The following GPR149 variants were observed in gnomAD, a reference collection of about 807,000 sequenced individuals.
GPR149 encodes the protein probable G protein-coupled receptor 149.
In GPR149, 50 loss-of-function variants were observed where a neutral mutation model predicts 50.2. That is an observed-to-expected ratio of 1.00 (90% confidence interval 0.79 to 1.26). The LOEUF (loss-of-function observed/expected upper bound fraction) is 1.26, where lower values mean the gene tolerates loss of function less well. Ranked by LOEUF, GPR149 falls within the 50% of genes most tolerant of loss-of-function variation. The pLI, the probability that GPR149 is intolerant of heterozygous loss-of-function variation, is 0.00. For synonymous variants in GPR149, 405 were observed against 358.2 expected (o/e 1.13, Z -1.48); for missense variants, 983 against 895.4 (o/e 1.10, Z -1.25).
chr3:154,389,238 C>A (rs1197975296), intron 3 of GPR149, among the ~76,000 whole-genome samples: 1 of 152,130 alleles, frequency 6.6e-6, no homozygotes, highest in East Asian at 1.9e-4. Context: ...TAATAAAATA[C>A]AAACTAATTT....
chr3:154,397,977 T>C (rs991703844), intron 3 of GPR149, among the ~76,000 whole-genome samples: 3 of 134,028 alleles, frequency 2.2e-5, no homozygotes, highest in African/African-American at 8.4e-5. Context: ...CAGGTAGTTG[T>C]ATGGAAATTA....
At position 154,337,666 on chromosome 3, in the gene GPR149, A is replaced by T; in HGVS notation, c.*33T>A. ...GTTAGTTTCACAGTTGACGTTGCAGATCCATTCTTGCTCCTGTTAGACCAA... is the reference window on the plus strand; with the variant it reads ...GTTAGTTTCACAGTTGACGTTGCAGTTCCATTCTTGCTCCTGTTAGACCAA... On this transcript the variant is annotated 3_prime_UTR_variant, in exon 4 of 4. Coordinates refer to ENST00000389740, the MANE Select transcript of GPR149 (RefSeq NM_001038705.3). The T allele has an allele frequency of 1.4e-6, 2 of 1,462,758 alleles. No homozygotes were observed. The highest frequency in any genetic ancestry group is 9.2e-7 in the Non-Finnish European group (1 of 1,081,682). The allele number at this position is 1,462,758 out of a possible 1,614,324, so 90.6% of individuals were successfully genotyped here. A position where few individuals can be genotyped will look rare whatever the true frequency, so the allele number is the denominator to read the frequency against.
At chr3:154,416,172 T>C (rs1186764443) in intron 3 of GPR149, among the ~76,000 whole-genome samples, 1 of 151,954 alleles carries the variant, frequency 6.6e-6, no homozygotes, top group Admixed American at 6.6e-5. Flanking sequence ...GAGTATTTTC[T>C]TCCAGCCTTA....
intron 3 of GPR149, among the ~76,000 whole-genome samples, chr3:154,358,865 A>G (rs1515653): frequency 0.91 from 137,871 of 152,166 alleles, 62,696 homozygotes; most frequent in East Asian, 1. Flanking sequence ...GTATTTGTGC[A>G]TGGGTGTTTG....
intron 2 of GPR149, among the ~76,000 whole-genome samples, chr3:154,424,938 GTTTAA>G (rs1471526260): frequency 6.6e-6 from 1 of 150,920 alleles, no homozygotes; most frequent in East Asian, 1.9e-4. Context: ...ACATTTAGCT[GTTTAA>G]TTTAAAAAAC....
At chr3:154,394,493 T>C (rs1342898138) in intron 3 of GPR149, among the ~76,000 whole-genome samples, 2 of 152,070 alleles carry the variant, frequency 1.3e-5, no homozygotes, top group Non-Finnish European at 2.9e-5. Context: ...AATGATTTCA[T>C]GGATGTAATG....
At chr3:154,414,376 C>A (rs1711927221) in intron 3 of GPR149, among the ~76,000 whole-genome samples, 1 of 151,936 alleles carries the variant, frequency 6.6e-6, no homozygotes, top group Admixed American at 6.6e-5. Context: ...AAATGTTTAT[C>A]ACCACATTAT....
intron 3 of GPR149, among the ~76,000 whole-genome samples, chr3:154,345,582 C>T (rs1713907182): frequency 6.6e-6 from 1 of 152,116 alleles, no homozygotes. Context: ...CACAAATGCT[C>T]CAGGAGAAGA....
At chr3:154,355,962 G>C (rs907524586) in intron 3 of GPR149, among the ~76,000 whole-genome samples, 1 of 152,110 alleles carries the variant, frequency 6.6e-6, no homozygotes, top group African/African-American at 2.4e-5. Context: ...GAATACTTTC[G>C]TCAAACATCA....
At chr3:154,360,004 C>T (rs770736955) in intron 3 of GPR149, among the ~76,000 whole-genome samples, 7 of 34,794 alleles carry the variant, frequency 2.0e-4, no homozygotes, top group Non-Finnish European at 3.2e-4. Context: ...GGAAAGTGTC[C>T]AGTCTCATGC....
chr3:154,410,478 T>C (rs1711804464), intron 3 of GPR149, among the ~76,000 whole-genome samples: 1 of 152,088 alleles, frequency 6.6e-6, no homozygotes, highest in African/African-American at 2.4e-5. Context: ...TTCTGCCATC[T>C]TCAGGAGACT....
chr3:154,412,399 G>T (rs1301383179), intron 3 of GPR149, among the ~76,000 whole-genome samples: 1 of 151,952 alleles, frequency 6.6e-6, no homozygotes, highest in Non-Finnish European at 1.5e-5. Flanking sequence ...AAGTCAAACT[G>T]TTGCTGTTTG....
At chr3:154,418,949 C>CA (rs1429552347) in intron 3 of GPR149, among the ~76,000 whole-genome samples, 2 of 151,934 alleles carry the variant, frequency 1.3e-5, no homozygotes, top group African/African-American at 4.8e-5. Context: ...GAAGGTTATA[C>CA]AAAAAATGTC....
intron 3 of GPR149, among the ~76,000 whole-genome samples, chr3:154,383,310 C>G (rs1559980917): frequency 6.6e-6 from 1 of 152,264 alleles, no homozygotes; most frequent in African/African-American, 2.4e-5. Flanking sequence ...CCATCTCAGA[C>G]TTAACATATC....
chr3:154,350,849 A>T (rs1216748570), intron 3 of GPR149, among the ~76,000 whole-genome samples: 1 of 152,162 alleles, frequency 6.6e-6, no homozygotes. Flanking sequence ...ATGGCATAGT[A>T]TGTGTATATA....
intron 2 of GPR149, among the ~76,000 whole-genome samples, chr3:154,425,388 T>C (rs866567996): frequency 2.6e-5 from 4 of 152,072 alleles, no homozygotes; most frequent in African/African-American, 9.7e-5. Flanking sequence ...ATCAAAGAAT[T>C]AAGATACTCT....
At chr3:154,349,602 A>G (rs1393576314) in intron 3 of GPR149, among the ~76,000 whole-genome samples, 2 of 152,236 alleles carry the variant, frequency 1.3e-5, no homozygotes, top group Non-Finnish European at 2.9e-5. Flanking sequence ...GTAGTTTAAA[A>G]CCTTCAAAAA....
At position 154,387,654 on chromosome 3, in the gene GPR149, A is replaced by G. The variant is rs146823472; in HGVS notation, c.1623+33385T>C. 1.7e-3 allele frequency among the ~76,000 whole-genome samples: 255 copies of G among 152,230 alleles called. 8 individuals carry two copies. The East Asian group carries it at 0.041, about 24-fold the overall frequency. ...CTCTGGTTGTCTTAATTAAGCTTCA[A>G]AAATCTGTGCCTTCTTCCATCTCAT... is the stretch of plus-strand genomic sequence containing the variant. On this transcript the variant is annotated intron_variant, in intron 3 of 3. Coordinates refer to ENST00000389740, the MANE Select transcript of GPR149 (RefSeq NM_001038705.3).
chr3:154,396,189 A>G (rs907536267), intron 3 of GPR149, among the ~76,000 whole-genome samples: 3 of 152,146 alleles, frequency 2.0e-5, no homozygotes, highest in Admixed American at 6.6e-5. Flanking sequence ...TCAACTAACA[A>G]TTCTCATTTT....
Sources: allele counts gnomAD v4.1 joint callset (sites outside exome capture counted in the v4.1 genomes callset), GRCh38; gene constraint gnomAD v4.1.1; transcripts MANE v1.5; gene names NCBI Gene and HGNC (gene_info 2026-07-23, HGNC 2026-07-21).